The following SOX6 variants were observed in gnomAD, a reference collection of about 807,000 sequenced individuals.
SOX6 encodes transcription factor SOX-6.
A neutral mutation model predicts 97.8 loss-of-function variants in SOX6; 11 were observed. The observed-to-expected ratio is 0.11, with a 90% CI of 0.07 to 0.19. The LOEUF is 0.19. Ranked by LOEUF, SOX6 falls within the 10% of genes least tolerant of loss-of-function variation. The pLI, the probability that SOX6 is intolerant of heterozygous loss-of-function variation, is 1.00. For missense variants in SOX6, 810 were observed against 1,039.5 expected (o/e 0.78, Z 3.04); for synonymous variants, 360 against 371.4 (o/e 0.97, Z 0.35).
intron 3 of SOX6, among the ~76,000 whole-genome samples, chr11:16,684,173 C>G (rs554764276): frequency 6.6e-6 from 1 of 152,140 alleles, no homozygotes; most frequent in East Asian, 1.9e-4. Context: ...GACAGTGTAG[C>G]GATTCCTCAA....
chr11:16,230,046 G>A (rs767149343), intron 4 of SOX6, among the ~76,000 whole-genome samples: 4 of 151,532 alleles, frequency 2.6e-5, no homozygotes, highest in Non-Finnish European at 5.9e-5. Context: ...ACTATACCAC[G>A]ACTAATCAGG....
intron 4 of SOX6, among the ~76,000 whole-genome samples, chr11:16,539,606 C>T (rs534831752): frequency 6.6e-6 from 1 of 151,990 alleles, no homozygotes; most frequent in Non-Finnish European, 1.5e-5. Context: ...AGAGAAGAAA[C>T]AAATAGATGC....
chr11:16,222,405 G>A (rs11023878), intron 4 of SOX6, among the ~76,000 whole-genome samples: 10,920 of 151,940 alleles, frequency 0.072, 411 homozygotes, highest in African/African-American at 0.082. Flanking sequence ...GTAGAGATGG[G>A]GTCTTGCTAT....
intron 6 of SOX6, among the ~76,000 whole-genome samples, chr11:16,175,356 G>T (rs1031677770): frequency 1.3e-4 from 19 of 151,798 alleles, no homozygotes; most frequent in African/African-American, 4.6e-4. Context: ...CTACTGTAAG[G>T]TATTGTAATT....
chr11:16,562,189 C>T (rs1039603569), intron 4 of SOX6, among the ~76,000 whole-genome samples: 3 of 152,034 alleles, frequency 2.0e-5, no homozygotes, highest in Non-Finnish European at 4.4e-5. Context: ...AGTACTTTTC[C>T]CCATTCCTTC....
At chr11:16,132,326 G>GAAAAAA (rs1849778064) in intron 6 of SOX6, among the ~76,000 whole-genome samples, 1 of 66,304 alleles carries the variant, frequency 1.5e-5, no homozygotes, top group East Asian at 4.1e-4. Context: ...AAGGAAGGAA[G>GAAAAAA]GAAGGAAAGA....
At chr11:16,248,849 GCA>G (rs1565046395) in intron 3 of SOX6, among the ~76,000 whole-genome samples, 1 of 152,174 alleles carries the variant, frequency 6.6e-6, no homozygotes, top group Non-Finnish European at 1.5e-5. Context: ...TGTAATCCCA[GCA>G]CTTTGGGAGC....
intron 2 of SOX6, among the ~76,000 whole-genome samples, chr11:16,726,695 G>C (rs968449815): frequency 6.6e-6 from 1 of 152,092 alleles, no homozygotes; most frequent in Admixed American, 6.5e-5. Flanking sequence ...AAAAGTAAAG[G>C]TTCTAAATTA....
intron 2 of SOX6, among the ~76,000 whole-genome samples, chr11:16,715,429 T>C (rs138054075): frequency 6.6e-6 from 1 of 152,194 alleles, no homozygotes; most frequent in Admixed American, 6.5e-5. Flanking sequence ...TAGAATAGCA[T>C]TGTCTTGCTA....
intron 4 of SOX6, among the ~76,000 whole-genome samples, chr11:16,550,755 A>G (rs1178558800): frequency 6.6e-6 from 1 of 152,212 alleles, no homozygotes; most frequent in Non-Finnish European, 1.5e-5. Context: ...TACTCTATAC[A>G]TTAAGTAAAA....
intron 4 of SOX6, among the ~76,000 whole-genome samples, chr11:16,233,258 T>C (rs909832711): frequency 1.3e-5 from 2 of 152,154 alleles, no homozygotes; most frequent in African/African-American, 4.8e-5. Context: ...GTGATGACTG[T>C]CCGTAAGGAT....
At chr11:16,183,741 A>G (rs954675898) in intron 6 of SOX6, 145 bp downstream of exon 6, 4 of 697,302 alleles carry the variant, frequency 5.7e-6, no homozygotes, top group African/African-American at 5.4e-5. Flanking sequence ...CTTACATTCA[A>G]TTATAGAATT....
intron 3 of SOX6, among the ~76,000 whole-genome samples, chr11:16,305,938 G>GCTTC (rs1855416561): frequency 6.6e-6 from 1 of 152,168 alleles, no homozygotes; most frequent in African/African-American, 2.4e-5. Context: ...TATAGAAGGT[G>GCTTC]AGGGATGCTG....
intron 2 of SOX6, among the ~76,000 whole-genome samples, chr11:16,340,543 T>C (rs17553733): frequency 0.15 from 22,965 of 152,110 alleles, 1,907 homozygotes; most frequent in Middle Eastern, 0.2. Context: ...TGAGAAAAGC[T>C]TTATTATAAG....
chr11:16,242,409 G>A (rs1278346849), intron 3 of SOX6, among the ~76,000 whole-genome samples: 1 of 151,832 alleles, frequency 6.6e-6, no homozygotes, highest in Non-Finnish European at 1.5e-5. Context: ...GCATGACAAT[G>A]AAATTGCCTA....
intron 1 of SOX6, among the ~76,000 whole-genome samples, chr11:16,393,808 A>G (rs1042989559): frequency 8.5e-5 from 13 of 152,066 alleles, no homozygotes; most frequent in African/African-American, 3.1e-4. Context: ...GCATCTTTAG[A>G]AAATTGGAAA....
At chr11:16,638,931 C>T (rs1196307402) in intron 3 of SOX6, among the ~76,000 whole-genome samples, 3 of 152,114 alleles carry the variant, frequency 2.0e-5, no homozygotes, top group African/African-American at 4.8e-5. Context: ...TAATTAGATC[C>T]CATTTGTCAA....
intron 12 of SOX6, chr11:16,023,271 T>G (rs1855120802): frequency 6.6e-6 from 1 of 152,252 alleles, no homozygotes; most frequent in East Asian, 1.9e-4. Context: ...CTGTTTCCAG[T>G]TCTCCTCAAC....
intron 12 of SOX6, among the ~76,000 whole-genome samples, chr11:16,017,279 T>C (rs1854915331): frequency 6.6e-6 from 1 of 152,082 alleles, no homozygotes. Flanking sequence ...AAAAAAAATC[T>C]TCTGCAGAGA....
Sources: allele counts gnomAD v4.1 joint callset (sites outside exome capture counted in the v4.1 genomes callset), GRCh38; gene constraint gnomAD v4.1.1; transcripts MANE v1.5; gene names NCBI Gene and HGNC (gene_info 2026-07-23, HGNC 2026-07-21).